Variants in MEIS2 observed in about 807,000 individuals in gnomAD.
MEIS2 encodes the protein Meis homeobox 2, also known as homeobox protein Meis2.
Under a neutral mutation model 58.6 loss-of-function variants are expected in MEIS2, and 9 were observed. The observed-to-expected ratio is 0.15, with a 90% CI of 0.09 to 0.27. MEIS2 has a LOEUF of 0.27. MEIS2 is among the 10% of genes least tolerant of loss of function. The pLI is 1.00. For missense variants in MEIS2, 427 were observed against 635.0 expected (o/e 0.67, Z 3.52); for synonymous variants, 221 against 228.4 (o/e 0.97, Z 0.29).
intron 7 of MEIS2, among the ~76,000 whole-genome samples, chr15:37,043,051 A>G (rs1218039276): frequency 6.6e-6 from 1 of 152,212 alleles, no homozygotes; most frequent in Non-Finnish European, 1.5e-5. Context: ...CATTTGGCAC[A>G]CTGTCAAACA....
chr15:37,031,031 C>A (rs1471488177), intron 8 of MEIS2, among the ~76,000 whole-genome samples: 1 of 152,190 alleles, frequency 6.6e-6, no homozygotes, highest in Non-Finnish European at 1.5e-5. Flanking sequence ...GTCCATTGGT[C>A]AAAGCCTTCT....
intron 8 of MEIS2, among the ~76,000 whole-genome samples, chr15:36,998,564 G>C (rs896480108): frequency 3.3e-5 from 5 of 151,932 alleles, no homozygotes; most frequent in African/African-American, 1.2e-4. Context: ...CTTACTGTCA[G>C]CTAAAATCTC....
At chr15:37,096,171 C>T in intron 3 of MEIS2, 118 bp downstream of exon 3, 5 of 1,170,484 alleles carry the variant, frequency 4.3e-6, no homozygotes, top group Non-Finnish European at 5.9e-6. Flanking sequence ...AGAGAGCGGA[C>T]TGGGCCAGAG....
chr15:37,090,249 C>A (rs554790403), intron 6 of MEIS2, among the ~76,000 whole-genome samples: 11 of 151,824 alleles, frequency 7.2e-5, no homozygotes, highest in Admixed American at 1.3e-4. Flanking sequence ...CTAAATACAA[C>A]GAAATTGTAA....
intron 8 of MEIS2, among the ~76,000 whole-genome samples, chr15:36,995,692 C>G (rs1416302381): frequency 4.2e-5 from 2 of 48,018 alleles, no homozygotes; most frequent in African/African-American, 1.7e-4. Flanking sequence ...TCAGCTAGCT[C>G]AGTTTACAGC....
rs976921422 is a variant in MEIS2, at chr15:36,892,837, G to A, written c.1148-378C>T. 3.9e-5 allele frequency among the ~76,000 whole-genome samples: 6 copies of A among 152,160 alleles called. No individual in the cohort carries two copies. In the East Asian group the frequency reaches 1.2e-3, roughly 29 times the overall value. ...TTTTCTGTGTTGCATTTGTAGACCT[G>A]GACAAAAATTGTAGATAGTAGAATA... On this transcript the variant is annotated intron_variant, in intron 11 of 11. Transcript: ENST00000561208.
intron 7 of MEIS2, among the ~76,000 whole-genome samples, chr15:37,081,060 A>G (rs552841883): frequency 6.6e-6 from 1 of 152,316 alleles, no homozygotes; most frequent in African/African-American, 2.4e-5. Flanking sequence ...AAACATAATC[A>G]CAAAAATTAT....
chr15:36,946,631 A>G (rs1288304435), intron 9 of MEIS2, among the ~76,000 whole-genome samples: 2 of 151,934 alleles, frequency 1.3e-5, no homozygotes, highest in East Asian at 3.9e-4. Flanking sequence ...TCATTTTTAC[A>G]ATTACTTATT....
intron 8 of MEIS2, among the ~76,000 whole-genome samples, chr15:36,998,934 A>T (rs905417644): frequency 1.3e-5 from 2 of 152,208 alleles, no homozygotes; most frequent in African/African-American, 4.8e-5. Context: ...TTCTAACTAT[A>T]CATGACTAGT....
At chr15:37,021,404 C>T (rs2141675068) in intron 8 of MEIS2, among the ~76,000 whole-genome samples, 1 of 152,290 alleles carries the variant, frequency 6.6e-6, no homozygotes, top group South Asian at 2.1e-4. Flanking sequence ...GACTTATGTA[C>T]ATGCTAGAAA....
chr15:37,099,674 C>T lies in MEIS2; in HGVS notation c.-208G>A. ...TTTTTCTGTGATATTTCTTCTTTTT[C>T]TCTTTTTTCCTCTTCTTCCTCCTCC... On this transcript the variant is annotated 5_prime_UTR_variant, in exon 1 of 12. Coordinates refer to ENST00000561208, the MANE Select transcript of MEIS2 (RefSeq NM_170675.5). 1.7e-6 allele frequency: 1 copy of T among 572,018 alleles called. No homozygotes were observed. Among genetic ancestry groups the T allele is most frequent in the African/African-American group, 1.9e-5 (1 of 52,184 alleles). 35.4% of individuals were successfully genotyped at this position (572,018 alleles called of 1,614,324 possible). A position where few individuals can be genotyped will look rare whatever the true frequency, so the allele number is the denominator to read the frequency against.
At chr15:37,019,220 T>C (rs1283458657) in intron 8 of MEIS2, among the ~76,000 whole-genome samples, 1 of 152,166 alleles carries the variant, frequency 6.6e-6, no homozygotes, top group African/African-American at 2.4e-5. Context: ...TAAACAGCAC[T>C]AGTAAGTAGC....
chr15:36,943,492 G>A (rs1280913207), intron 9 of MEIS2, among the ~76,000 whole-genome samples: 1 of 151,980 alleles, frequency 6.6e-6, no homozygotes, highest in Non-Finnish European at 1.5e-5. Flanking sequence ...TAGAGACTCT[G>A]CAAAAAATGG....
intron 8 of MEIS2, among the ~76,000 whole-genome samples, chr15:37,001,604 C>G (rs112182572): frequency 6.6e-6 from 1 of 152,092 alleles, no homozygotes; most frequent in Non-Finnish European, 1.5e-5. Flanking sequence ...ATACTTATCT[C>G]CTCACTTCCA....
At chr15:36,970,202 G>A (rs2059491561) in intron 8 of MEIS2, among the ~76,000 whole-genome samples, 1 of 152,074 alleles carries the variant, frequency 6.6e-6, no homozygotes. Context: ...AGGAGATCCG[G>A]ACCATCCTGG....
intron 9 of MEIS2, among the ~76,000 whole-genome samples, chr15:36,940,415 G>A (rs1311149398): frequency 1.3e-5 from 2 of 151,878 alleles, no homozygotes; most frequent in East Asian, 1.9e-4. Context: ...AGCCAGTCTC[G>A]CTCCTCCCTG....
chr15:36,905,627 A>G (rs898393138), intron 9 of MEIS2, among the ~76,000 whole-genome samples: 1 of 152,188 alleles, frequency 6.6e-6, no homozygotes, highest in Non-Finnish European at 1.5e-5. Flanking sequence ...ATCCTGTTTT[A>G]ATCCTAAAAA....
chr15:36,894,685 A>C, intron 11 of MEIS2: 1 of 1,490,302 alleles, frequency 6.7e-7, no homozygotes, highest in East Asian at 2.3e-5. Context: ...CTGAAGTGAT[A>C]GTGAAGACAG....
At chr15:37,094,261 A>G (rs1016563312) in intron 5 of MEIS2, among the ~76,000 whole-genome samples, 1 of 152,202 alleles carries the variant, frequency 6.6e-6, no homozygotes, top group Non-Finnish European at 1.5e-5. Flanking sequence ...GTCCAGTAAC[A>G]TAAATGGTTT....
Sources: gnomAD v4.1 joint callset for allele counts (sites outside exome capture counted in the v4.1 genomes callset) on GRCh38, gnomAD v4.1.1 for gene constraint, MANE v1.5 for transcripts, NCBI Gene and HGNC (gene_info 2026-07-23, HGNC 2026-07-21) for gene names.